Variants in VPS4B observed in about 807,000 individuals in gnomAD.
VPS4B encodes vacuolar protein sorting-associated protein 4B.
A neutral mutation model predicts 56.1 loss-of-function variants in VPS4B; 23 were observed. The ratio of observed to expected loss-of-function variants is 0.41; its 90% CI spans 0.30 to 0.58. The LOEUF (loss-of-function observed/expected upper bound fraction) is 0.58. Ranked by LOEUF, VPS4B falls within the 20% of genes least tolerant of loss-of-function variation. The probability of loss-of-function intolerance (pLI) is 0.29; values close to 1 mark genes in which losing one functional copy is unlikely to be tolerated. For missense variants in VPS4B, 372 were observed against 531.9 expected (o/e 0.70, Z 2.96); for synonymous variants, 177 against 186.0 (o/e 0.95, Z 0.39).
intron 4 of VPS4B, 178 bp downstream of exon 4, chr18:63,407,254 C>A: frequency 3.4e-6 from 2 of 587,154 alleles, no homozygotes; most frequent in Admixed American, 3.3e-5. Context: ...AACCATGATC[C>A]TAGAGGGCAA....
At chr18:63,414,058 C>G (rs1241013482) in intron 1 of VPS4B, among the ~76,000 whole-genome samples, 1 of 152,108 alleles carries the variant, frequency 6.6e-6, no homozygotes, top group South Asian at 2.1e-4. Context: ...TGCACCACAG[C>G]CAAGATTGTG....
chr18:63,397,501 G>A (rs921204055), intron 8 of VPS4B, among the ~76,000 whole-genome samples: 9 of 152,048 alleles, frequency 5.9e-5, no homozygotes, highest in Non-Finnish European at 1.2e-4. Context: ...CCTATGTCTG[G>A]AATTCATGAA....
intron 8 of VPS4B, among the ~76,000 whole-genome samples, chr18:63,398,204 C>CACACACACACATATATATATATAT (rs1298374245): frequency 5.2e-4 from 58 of 112,444 alleles, no homozygotes; most frequent in African/African-American, 1.8e-3. Flanking sequence ...CACACACACA[C>CACACACACACATATATATATATAT]ATATATATAT....
chr18:63,391,345 C>G (rs1218260704), intron 10 of VPS4B, among the ~76,000 whole-genome samples: 3 of 151,650 alleles, frequency 2.0e-5, no homozygotes, highest in Admixed American at 1.3e-4. Context: ...TCTCCTGCCT[C>G]AGCCTCCCAA....
In VPS4B at chr18:63,390,883, A is replaced by T. The variant is rs1363382404; in HGVS notation, c.*92T>A. 6.0e-6 allele frequency: 5 copies of T among 833,938 alleles called. No individual in the cohort carries two copies. The East Asian group carries it at 8.1e-5, about 13-fold the overall frequency. 51.7% of individuals were successfully genotyped at this position (833,938 alleles called of 1,614,324 possible). On this transcript the variant is annotated 3_prime_UTR_variant, in exon 11 of 11. Coordinates refer to ENST00000238497, the MANE Select transcript of VPS4B (RefSeq NM_004869.4). ...GATGTGTATTTCCCTGTGGTAAAAG[A>T]GTTTTACTGGAAACAATTAATGCGA... is the stretch of plus-strand genomic sequence containing the variant.
chr18:63,412,020 C>G (rs1370080143), intron 1 of VPS4B, among the ~76,000 whole-genome samples: 1 of 152,130 alleles, frequency 6.6e-6, no homozygotes, highest in Non-Finnish European at 1.5e-5. Context: ...GGTGAAACCT[C>G]TTCAGAAGCA....
At chr18:63,420,961 C>T (rs559043029) in intron 1 of VPS4B, among the ~76,000 whole-genome samples, 1 of 150,336 alleles carries the variant, frequency 6.7e-6, no homozygotes, top group African/African-American at 2.5e-5. Context: ...TCGCTTGAAC[C>T]TGGGAGGTGG....
chr18:63,403,634 G>A (rs1915857971), intron 5 of VPS4B, 73 bp downstream of exon 5: 2 of 1,422,920 alleles, frequency 1.4e-6, no homozygotes, highest in Non-Finnish European at 1.9e-6. Context: ...TGACAAGAAT[G>A]ACAATGCTTC....
At chr18:63,416,800 C>CT (rs1239396061) in intron 1 of VPS4B, among the ~76,000 whole-genome samples, 1 of 152,188 alleles carries the variant, frequency 6.6e-6, no homozygotes, top group Non-Finnish European at 1.5e-5. Flanking sequence ...ATGCTCTTCC[C>CT]TCCTTTCCCC....
At chr18:63,393,104 T>C (rs8088124) in intron 10 of VPS4B, among the ~76,000 whole-genome samples, 8,391 of 152,262 alleles carry the variant, frequency 0.055, 739 homozygotes, top group African/African-American at 0.18. Flanking sequence ...GTTAGGTCTT[T>C]ACAATAATTA....
intron 4 of VPS4B, among the ~76,000 whole-genome samples, chr18:63,405,722 C>A (rs1915902425): frequency 6.6e-6 from 1 of 151,984 alleles, no homozygotes; most frequent in East Asian, 1.9e-4. Context: ...CTTTGGGAGG[C>A]TGAAGTGGGC....
At chr18:63,416,694 T>C (rs1342858092) in intron 1 of VPS4B, among the ~76,000 whole-genome samples, 1 of 152,154 alleles carries the variant, frequency 6.6e-6, no homozygotes, top group East Asian at 1.9e-4. Context: ...CTACAAGGTC[T>C]GAAATAACCT....
chr18:63,409,816 AT>A (rs1017284203), intron 3 of VPS4B, among the ~76,000 whole-genome samples: 25 of 152,198 alleles, frequency 1.6e-4, no homozygotes, highest in African/African-American at 5.8e-4. Flanking sequence ...GTTACTTTTC[AT>A]TTTTTCCATG....
intron 3 of VPS4B, among the ~76,000 whole-genome samples, chr18:63,407,808 G>A (rs1323256468): frequency 6.6e-6 from 1 of 152,084 alleles, no homozygotes; most frequent in Non-Finnish European, 1.5e-5. Context: ...ACTCCATGAA[G>A]GATTCAAGAT....
At chr18:63,395,261 A>G (rs1056968606) in intron 9 of VPS4B, among the ~76,000 whole-genome samples, 6 of 152,212 alleles carry the variant, frequency 3.9e-5, no homozygotes, top group African/African-American at 1.4e-4. Flanking sequence ...TAGTTTCTAA[A>G]TGGCAAAGAG....
At chr18:63,395,014 G>C (rs1368229816) in intron 9 of VPS4B, among the ~76,000 whole-genome samples, 1 of 152,124 alleles carries the variant, frequency 6.6e-6, no homozygotes, top group Non-Finnish European at 1.5e-5. Flanking sequence ...AATAAACAGG[G>C]AATCTTCTTC....
intron 3 of VPS4B, among the ~76,000 whole-genome samples, chr18:63,408,045 G>A (rs1915957060): frequency 6.6e-6 from 1 of 152,106 alleles, no homozygotes; most frequent in African/African-American, 2.4e-5. Context: ...CATATCTAGG[G>A]ATTTATCTTG....
chr18:63,404,491 T>A (rs779583876), intron 4 of VPS4B: 1 of 152,206 alleles, frequency 6.6e-6, no homozygotes, highest in Non-Finnish European at 1.5e-5. Flanking sequence ...CTTTTGTTAA[T>A]TAACAAAGTT....
Position 63,400,705 on chromosome 18 carries a change from TA to T in VPS4B, c.485-3del. The T allele has an allele frequency of 6.3e-7, 1 of 1,596,096 alleles. No homozygotes were observed. The highest frequency in any genetic ancestry group is 1.9e-5 in the Admixed American group (1 of 53,260). ...TTCCCCTCCAAGGTGTTCTCTTGCC[TA>T]AAATTTAGATTTAGAAAAATGTCAT... is the stretch of plus-strand genomic sequence containing the variant. On this transcript the variant is annotated splice_polypyrimidine_tract_variant and splice_region_variant and intron_variant, in intron 5 of 10. Transcript: ENST00000238497.
Sources: gnomAD v4.1 joint callset for allele counts (sites outside exome capture counted in the v4.1 genomes callset) on GRCh38, gnomAD v4.1.1 for gene constraint, MANE v1.5 for transcripts, NCBI Gene and HGNC (gene_info 2026-07-23, HGNC 2026-07-21) for gene names.